CCDC81: variants seen among roughly 807,000 people sequenced by gnomAD.
CCDC81 encodes coiled-coil domain containing 81.
CCDC81 carries 79 observed loss-of-function variants against 83.7 expected under a neutral mutation model. The ratio of observed to expected loss-of-function variants is 0.94; its 90% confidence interval spans 0.79 to 1.14. The LOEUF (loss-of-function observed/expected upper bound fraction) is 1.14, where lower values mean the gene tolerates loss of function less well. Among genes scored for constraint, CCDC81 ranks in the 50% most tolerant of loss-of-function variants. The probability of loss-of-function intolerance (pLI) is 0.00; values close to 1 mark genes in which losing one functional copy is unlikely to be tolerated. For synonymous variants in CCDC81, 252 were observed against 278.1 expected, an observed-to-expected ratio of 0.91 and a Z score of 0.93; for missense variants, 791 against 778.1, an observed-to-expected ratio of 1.02 and a Z score of -0.20.
At chr11:86,393,338 C>T (rs1444349736) in intron 4 of CCDC81, among the ~76,000 whole-genome samples, 1 of 152,222 alleles carries the variant, frequency 6.6e-6, no homozygotes, top group Non-Finnish European at 1.5e-5. Context: ...GCTGAGATTA[C>T]AGGCATGAGC....
chr11:86,395,434 G>T, intron 5 of CCDC81, 21 bp downstream of exon 5: 1 of 1,603,720 alleles, frequency 6.2e-7, no homozygotes, highest in Non-Finnish European at 8.5e-7. Context: ...TGCTTCACGG[G>T]TTCCTCTAGG....
Position 86,420,066 on chromosome 11 carries a change from T to G in CCDC81, c.1817+13T>G. 6.2e-7 allele frequency: 1 copy of G among 1,607,062 alleles called. No homozygotes were observed. The highest frequency in any genetic ancestry group is 8.5e-7 in the Non-Finnish European group (1 of 1,177,896). On this transcript the variant is annotated intron_variant, in intron 14 of 14. Transcript: ENST00000445632. ...AGGCTTTTGAACGGTAATGCCTGAT[T>G]GGAACCCCAAAATTCTCCTGCTCCT...
chr11:86,419,815 G>A lies in CCDC81; in HGVS notation c.1692-113G>A, dbSNP rs574751557. On this transcript the variant is annotated intron_variant, in intron 13 of 14. Transcript: ENST00000445632. ...TTCATGCTTTTTAGTATATTTCAGA[G>A]TAGTGAACAAAACCAGAAGGTTTTT... 4.4e-4 allele frequency: 473 copies of A among 1,076,256 alleles called. 3 individuals carry two copies. In the South Asian group the frequency reaches 9.1e-3, roughly 21 times the overall value. The allele number at this position is 1,076,256 out of a possible 1,614,324, so 66.7% of individuals were successfully genotyped here.
In CCDC81 at chr11:86,409,324, G is replaced by A; in HGVS notation, c.1177G>A (p.Glu393Lys). The A allele has an allele frequency of 1.3e-6, 2 of 1,538,374 alleles. No homozygotes were observed. The highest frequency in any genetic ancestry group is 1.7e-6 in the Non-Finnish European group (2 of 1,145,908). Reference sequence around the variant, plus strand: ...TGCTGCCTATAATCTTGGAGTTGCTGAAGCTATAAGAAACCACAAGAATGA... The same window carrying A: ...TGCTGCCTATAATCTTGGAGTTGCTAAAGCTATAAGAAACCACAAGAATGA... ...KNAAYNLGVA[E>K]AIRNHKNEKP... The change falls in exon 10 of 15, where the codon GAA becomes AAA. Residue 393 changes from glutamate to lysine, a missense_variant. Coordinates refer to ENST00000445632, the MANE Select transcript of CCDC81 (RefSeq NM_001156474.2).
At chr11:86,395,931 CTT>C (rs1273486219) in intron 5 of CCDC81, among the ~76,000 whole-genome samples, 2 of 152,116 alleles carry the variant, frequency 1.3e-5, no homozygotes, top group African/African-American at 2.4e-5. Flanking sequence ...CCCATTTACT[CTT>C]TTTTAAAACT....
chr11:86,411,437 T>C (rs935698676), intron 10 of CCDC81, among the ~76,000 whole-genome samples: 2 of 152,218 alleles, frequency 1.3e-5, no homozygotes, highest in African/African-American at 4.8e-5. Flanking sequence ...TCCTAGCACT[T>C]AGCACTATCT....
intron 7 of CCDC81, 56 bp from the exon 8 acceptor site, chr11:86,407,558 T>C: frequency 1.7e-6 from 2 of 1,166,972 alleles, no homozygotes; most frequent in Non-Finnish European, 2.5e-6. Flanking sequence ...AAAATTATTA[T>C]TGCCCTTGAG....
intron 7 of CCDC81, among the ~76,000 whole-genome samples, chr11:86,405,785 C>CTTT (rs146946869): frequency 7.8e-6 from 1 of 128,624 alleles, no homozygotes; most frequent in Non-Finnish European, 1.7e-5. Context: ...CTTCTTTTTT[C>CTTT]TTTTTTTTTT....
chr11:86,392,834 A>G lies in CCDC81; in HGVS notation c.555+37A>G, dbSNP rs781087275. 1.4e-4 allele frequency: 217 copies of G among 1,531,658 alleles called. 3 individuals carry two copies. In the South Asian group the frequency reaches 1.7e-3, roughly 12 times the overall value. 94.9% of individuals were successfully genotyped at this position (1,531,658 alleles called of 1,614,324 possible). A position where few individuals can be genotyped will look rare whatever the true frequency, so the allele number is the denominator to read the frequency against. On this transcript the variant is annotated intron_variant, in intron 4 of 14. Transcript: ENST00000445632. The stretch of plus-strand genomic sequence containing the variant: ...TTTTCCTTCTCCTAAGTCTTCTCCT[A>G]ATTGTGGTTCTGACTCATCTATAGG...
chr11:86,406,856 G>A (rs1460646189), intron 7 of CCDC81, among the ~76,000 whole-genome samples: 1 of 151,916 alleles, frequency 6.6e-6, no homozygotes, highest in Non-Finnish European at 1.5e-5. Flanking sequence ...TTCATTCTTC[G>A]AGCTGCTTTT....
chr11:86,399,458 G>A (rs915009328), intron 6 of CCDC81, among the ~76,000 whole-genome samples: 1 of 152,100 alleles, frequency 6.6e-6, no homozygotes, highest in Admixed American at 6.5e-5. Flanking sequence ...TAGGACCACA[G>A]GTGTGCGCCA....
intron 1 of CCDC81, among the ~76,000 whole-genome samples, chr11:86,380,065 G>A (rs1209452049): frequency 6.8e-6 from 1 of 146,430 alleles, no homozygotes; most frequent in South Asian, 2.1e-4. Context: ...TTTAAATGCA[G>A]ATCCAAGTTT....
intron 12 of CCDC81, 45 bp downstream of exon 12, chr11:86,414,912 C>G: frequency 6.8e-7 from 1 of 1,479,980 alleles, no homozygotes; most frequent in South Asian, 1.2e-5. Flanking sequence ...TGCAATGCAT[C>G]AATAACATCC....
At chr11:86,384,996 G>T (rs564459131) in intron 1 of CCDC81, among the ~76,000 whole-genome samples, 1 of 152,312 alleles carries the variant, frequency 6.6e-6, no homozygotes, top group Admixed American at 6.5e-5. Flanking sequence ...GATAAACTTG[G>T]AAGGCTTTCC....
At chr11:86,378,554 T>G (rs1444260329) in intron 1 of CCDC81, among the ~76,000 whole-genome samples, 4 of 152,248 alleles carry the variant, frequency 2.6e-5, no homozygotes, top group African/African-American at 9.6e-5. Context: ...TCTGTTCATT[T>G]CTGATAGGTG....
chr11:86,378,660 G>A (rs1417705945), intron 1 of CCDC81, among the ~76,000 whole-genome samples: 1 of 151,950 alleles, frequency 6.6e-6, no homozygotes, highest in African/African-American at 2.4e-5. Context: ...CTATTTTTAG[G>A]TGCATACATA....
chr11:86,417,009 C>T (rs1373128076), intron 13 of CCDC81, among the ~76,000 whole-genome samples: 2 of 151,916 alleles, frequency 1.3e-5, no homozygotes, highest in East Asian at 1.9e-4. Flanking sequence ...TTTGGGAGAC[C>T]GAGGCAGGCA....
intron 4 of CCDC81, among the ~76,000 whole-genome samples, chr11:86,393,788 C>G (rs1948367084): frequency 6.6e-6 from 1 of 152,160 alleles, no homozygotes; most frequent in Non-Finnish European, 1.5e-5. Flanking sequence ...ACCAGACTTA[C>G]TGAATACTTA....
rs887229899 is a variant in CCDC81, at chr11:86,414,881, C to T, written c.1470+14C>T. ...TTGGATGCACAGGTAAGGGGACAGA[C>T]AAATATTATTTTTAAAATTATGCAA... On this transcript the variant is annotated intron_variant, in intron 12 of 14. Coordinates refer to ENST00000445632, the MANE Select transcript of CCDC81 (RefSeq NM_001156474.2). 1 of 1,579,952 alleles carries T rather than the reference C, an allele frequency of 6.3e-7. No individual in the cohort carries two copies. The highest frequency in any genetic ancestry group is 1.2e-5 in the South Asian group (1 of 85,806).
Sources: gnomAD v4.1 joint callset for allele counts (sites outside exome capture counted in the v4.1 genomes callset) on GRCh38, gnomAD v4.1.1 for gene constraint, MANE v1.5 for transcripts, NCBI Gene and HGNC (gene_info 2026-07-23, HGNC 2026-07-21) for gene names.